The following XDH variants were observed in gnomAD, a reference collection of about 807,000 sequenced individuals.
XDH encodes the protein xanthine dehydrogenase/oxidase.
In XDH, 138 loss-of-function variants were observed where a neutral mutation model predicts 156.1. The ratio of observed to expected loss-of-function variants is 0.88; its 90% CI spans 0.77 to 1.02. XDH has a LOEUF of 1.02. Among genes scored for constraint, XDH ranks in the 50% least tolerant of loss-of-function variants. XDH has a pLI of 0.00. For synonymous variants in XDH, 669 were observed against 625.7 expected (o/e 1.07, Z -1.03); for missense variants, 1,849 against 1,684.9 (o/e 1.10, Z -1.71).
At position 31,386,429 on chromosome 2, in the gene XDH, C is replaced by G; in HGVS notation, c.778G>C (p.Gly260Arg). Reference sequence around the variant, plus strand: ...TGGCCCTTACCAATCTCCGTGTTCCCCACGACCAGCTTGGCGTCAGGGTGC... The same window carrying G: ...TGGCCCTTACCAATCTCCGTGTTCCGCACGACCAGCTTGGCGTCAGGGTGC... Reference protein sequence around the residue: ...AQHPDAKLVVGNTEIGIEMKF... With the variant: ...AQHPDAKLVVRNTEIGIEMKF... The change falls in exon 9 of 36, where the codon GGG becomes CGG. Residue 260 changes from glycine to arginine, a missense_variant. Transcript: ENST00000379416. 1 of 1,613,514 alleles carries G rather than the reference C, an allele frequency of 6.2e-7. No homozygotes were observed. Among genetic ancestry groups the G allele is most frequent in the African/African-American group, 1.3e-5 (1 of 75,014 alleles).
At chr2:31,367,400 G>T (rs1016411842) in intron 20 of XDH, among the ~76,000 whole-genome samples, 1 of 152,216 alleles carries the variant, frequency 6.6e-6, no homozygotes, top group Non-Finnish European at 1.5e-5. Flanking sequence ...TGGAGAGTCG[G>T]CTTCATACCA....
intron 9 of XDH, among the ~76,000 whole-genome samples, chr2:31,386,206 G>A (rs1041581733): frequency 3.3e-5 from 5 of 152,218 alleles, no homozygotes; most frequent in African/African-American, 4.8e-5. Context: ...CCAGCAAGGG[G>A]CTGAGCCAGG....
rs775858376 is a variant in XDH, at chr2:31,368,508, A to T, written c.2100+33T>A. 9 of 1,613,382 alleles carry T rather than the reference A, an allele frequency of 5.6e-6. No homozygotes were observed. In the South Asian group the frequency reaches 8.8e-5, roughly 16 times the overall value. ...ATGCACATCCAGGGACGGGGAGCTCACTCCTCTACACAGGCAGCCCATTCT... is the reference window on the plus strand; with the variant it reads ...ATGCACATCCAGGGACGGGGAGCTCTCTCCTCTACACAGGCAGCCCATTCT... On this transcript the variant is annotated intron_variant, in intron 19 of 35. Transcript: ENST00000379416.
At chr2:31,353,676 C>G (rs1685549634) in intron 24 of XDH, among the ~76,000 whole-genome samples, 1 of 152,186 alleles carries the variant, frequency 6.6e-6, no homozygotes, top group African/African-American at 2.4e-5. Flanking sequence ...ATCCTTTTAT[C>G]TCTAGCCAAA....
At chr2:31,347,483 GCT>G in intron 29 of XDH, 37 bp downstream of exon 29, 3 of 1,612,460 alleles carry the variant, frequency 1.9e-6, no homozygotes, top group Non-Finnish European at 2.5e-6. Flanking sequence ...ACAGCTCTGG[GCT>G]GGCCCTCTGC....
chr2:31,401,281 T>C lies in XDH; in HGVS notation c.245A>G (p.His82Arg). ...TCCTTCCACAGTTGTCACTGCAACA[T>C]GGTGCAAGGAGCAGATGGGGGCCAG... is the stretch of plus-strand genomic sequence containing the variant. ...ACLAPICSLHHVAVTTVEGIG... is the reference protein window; with the variant it reads ...ACLAPICSLHRVAVTTVEGIG... The change falls in exon 4 of 36, where the codon CAT becomes CGT. Residue 82 changes from histidine to arginine, a missense_variant. His to Arg is a conservative substitution (Grantham distance 29). Transcript: ENST00000379416. The C allele has an allele frequency of 3.1e-6, 5 of 1,614,142 alleles. No individual in the cohort carries two copies. Among genetic ancestry groups the C allele is most frequent in the East Asian group, 2.2e-5 (1 of 44,876 alleles).
chr2:31,347,998 C>T (rs45529440), intron 28 of XDH, among the ~76,000 whole-genome samples: 225 of 152,304 alleles, frequency 1.5e-3, no homozygotes, highest in Admixed American at 3.5e-3. Flanking sequence ...GTGGGAAACT[C>T]GCGACCTTTA....
intron 26 of XDH, among the ~76,000 whole-genome samples, chr2:31,349,329 CTG>C (rs1205690439): frequency 6.6e-6 from 1 of 152,198 alleles, no homozygotes; most frequent in Non-Finnish European, 1.5e-5. Flanking sequence ...CATGATGAAA[CTG>C]AGGCCCAGGG....
At chr2:31,383,709 C>A in intron 10 of XDH, 46 bp downstream of exon 10, 1 of 1,582,576 alleles carries the variant, frequency 6.3e-7, no homozygotes, top group African/African-American at 1.3e-5. Flanking sequence ...TAACCTATCC[C>A]CAGCCTCACA....
Position 31,383,048 on chromosome 2 carries a change from G to C in XDH, c.991C>G (p.Leu331Val). The C allele has an allele frequency of 6.2e-7, 1 of 1,614,176 alleles. No individual in the cohort carries two copies. Reference sequence around the variant, plus strand: ...CCAGCAAACCAGCGCAGCTGCTCCAGGACCCCTCTGAACACCTCTGTCTTT... The same window carrying C: ...CCAGCAAACCAGCGCAGCTGCTCCACGACCCCTCTGAACACCTCTGTCTTT... ...AQKTEVFRGV[L>V]EQLRWFAGKQ... The change falls in exon 11 of 36, where the codon CTG becomes GTG. Residue 331 changes from leucine to valine, a missense_variant. Coordinates refer to ENST00000379416, the MANE Select transcript of XDH (RefSeq NM_000379.4).
At chr2:31,366,847 G>A (rs1156701713) in intron 21 of XDH, 23 bp downstream of exon 21, 1 of 1,613,646 alleles carries the variant, frequency 6.2e-7, no homozygotes, top group South Asian at 1.1e-5. Context: ...ACAGCCCCTT[G>A]AGCTGACCCA....
chr2:31,410,296 C>T (rs777712943), intron 1 of XDH, among the ~76,000 whole-genome samples: 30 of 152,064 alleles, frequency 2.0e-4, no homozygotes, highest in African/African-American at 6.0e-4. Context: ...TGGAGGTGGA[C>T]GGTGATGATG....
Position 31,405,933 on chromosome 2 carries a change from G to C in XDH, c.74C>G (p.Thr25Ser), listed in dbSNP as rs530276422. ...VVEKNADPET[T>S]LLAYLRRKLG... ...CTTTCTTCTCAGGTAGGCCAAAAGG[G>C]TTGTCTCTGGATCTGCATTTTTCTC... Residue 25 changes from threonine (T) to serine (S), a missense_variant, in exon 2 of 36, where the codon ACC (threonine) becomes AGC (serine). Coordinates refer to ENST00000379416, the MANE Select transcript of XDH (RefSeq NM_000379.4). 2.5e-6 allele frequency: 4 copies of C among 1,614,076 alleles called. No homozygotes were observed. Among genetic ancestry groups the C allele is most frequent in the East Asian group, 2.2e-5 (1 of 44,878 alleles).
intron 2 of XDH, among the ~76,000 whole-genome samples, chr2:31,404,906 T>C (rs1013171137): frequency 6.6e-6 from 1 of 152,206 alleles, no homozygotes; most frequent in Non-Finnish European, 1.5e-5. Context: ...GTGCGTGTTA[T>C]AATAATCTTT....
intron 11 of XDH, 106 bp from the exon 12 acceptor site, chr2:31,381,832 C>T: frequency 2.0e-6 from 2 of 991,802 alleles, no homozygotes; most frequent in Non-Finnish European, 3.1e-6. Flanking sequence ...GCAGGCAAAC[C>T]CCTGAGGTCC....
At chr2:31,367,030 A>T (rs771889156) in intron 20 of XDH, 36 bp from the exon 21 acceptor site, 1 of 1,613,900 alleles carries the variant, frequency 6.2e-7, no homozygotes, top group South Asian at 1.1e-5. Flanking sequence ...AGTGAGCCCA[A>T]TGCTGCAGAA....
intron 33 of XDH, 58 bp from the exon 34 acceptor site, chr2:31,339,735 C>T (rs1477938720): frequency 1.3e-6 from 2 of 1,595,730 alleles, no homozygotes; most frequent in Admixed American, 1.7e-5. Flanking sequence ...AGGACAGATA[C>T]CACTTGCCAC....
intron 1 of XDH, among the ~76,000 whole-genome samples, chr2:31,414,349 C>T (rs1287203314): frequency 6.6e-6 from 1 of 151,962 alleles, no homozygotes; most frequent in Non-Finnish European, 1.5e-5. Flanking sequence ...ATCTCCACTA[C>T]TGCAGAGAGT....
At chr2:31,384,019 G>A (rs1196697659) in intron 9 of XDH, 172 bp from the exon 10 acceptor site, 2 of 680,624 alleles carry the variant, frequency 2.9e-6, no homozygotes, top group Non-Finnish European at 5.3e-6. Flanking sequence ...CCAGGGGTGG[G>A]ATTAGATGCA....
Sources: allele counts gnomAD v4.1 joint callset (sites outside exome capture counted in the v4.1 genomes callset), GRCh38; gene constraint gnomAD v4.1.1; transcripts MANE v1.5; gene names NCBI Gene and HGNC (gene_info 2026-07-23, HGNC 2026-07-21).